LGSN: variants seen among roughly 807,000 people sequenced by gnomAD.
LGSN encodes the protein lengsin, lens protein with glutamine synthetase domain.
LGSN carries 21 observed loss-of-function variants against 19.5 expected under a neutral mutation model. That is an observed-to-expected ratio of 1.07 (90% confidence interval 0.76 to 1.55). The LOEUF (loss-of-function observed/expected upper bound fraction) is 1.55, where lower values mean the gene tolerates loss of function less well. Among genes scored for constraint, LGSN ranks in the 40% most tolerant of loss-of-function variants. The pLI is 0.00. For synonymous variants in LGSN, 257 were observed against 215.6 expected (o/e 1.19, Z -1.68); for missense variants, 673 against 608.5 (o/e 1.11, Z -1.12).
In LGSN at chr6:63,280,806, G is replaced by A. The variant is rs867230083; in HGVS notation, c.745C>T (p.His249Tyr). The change falls in exon 4 of 4, where the codon CAC becomes TAC. Residue 249 changes from histidine (H) to tyrosine (Y), a missense_variant. Coordinates refer to ENST00000370657, the MANE Select transcript of LGSN (RefSeq NM_016571.3). The part of the protein sequence containing the change: ...FMQELVDGLY[H>Y]TGANVESFSS... ...AAACTCTCGACATTGGCTCCAGTGT[G>A]ATACAAGCCATCAACAAGTTCCTGC... 2.5e-6 allele frequency: 4 copies of A among 1,613,842 alleles called. No individual in the cohort carries two copies. The highest frequency in any genetic ancestry group is 2.7e-5 in the African/African-American group (2 of 74,912).
intron 1 of LGSN, among the ~76,000 whole-genome samples, chr6:63,317,663 G>A (rs1768914187): frequency 1.3e-5 from 2 of 152,114 alleles, no homozygotes; most frequent in African/African-American, 2.4e-5. Context: ...CATAAAGCAG[G>A]GAAAGCTGGG....
chr6:63,557,508 G>A, the LGSN span, among the ~76,000 whole-genome samples: 1 of 152,154 alleles, frequency 6.6e-6, no homozygotes, highest in African/African-American at 2.4e-5. Context: ...GGAGGTTGCA[G>A]TGAGTCGAGA....
At chr6:63,344,284 G>T in the LGSN span, among the ~76,000 whole-genome samples, 5 of 152,310 alleles carry the variant, frequency 3.3e-5, no homozygotes, top group East Asian at 9.6e-4. Context: ...CGAAGCTGTA[G>T]TTTAGAAGAA....
chr6:63,525,404 C>T, the LGSN span, among the ~76,000 whole-genome samples: 1 of 152,166 alleles, frequency 6.6e-6, no homozygotes, highest in Non-Finnish European at 1.5e-5. Flanking sequence ...GGAACACACT[C>T]CTTCCCGTTT....
At chr6:63,527,467 T>C in the LGSN span, among the ~76,000 whole-genome samples, 180 of 152,230 alleles carry the variant, frequency 1.2e-3, 2 homozygotes, top group Non-Finnish European at 1.9e-3. Flanking sequence ...TCTTATGTTG[T>C]AGATATCTCA....
At chr6:63,454,216 C>G in the LGSN span, among the ~76,000 whole-genome samples, 1 of 150,482 alleles carries the variant, frequency 6.6e-6, no homozygotes, top group Non-Finnish European at 1.5e-5. Context: ...TTCCTGTCAC[C>G]GTTATGGGAC....
the LGSN span, among the ~76,000 whole-genome samples, chr6:63,328,059 A>G: frequency 2.6e-5 from 4 of 152,216 alleles, no homozygotes; most frequent in Non-Finnish European, 2.9e-5. Flanking sequence ...CTATCTGTAT[A>G]CACATTTATT....
At chr6:63,506,447 C>T in the LGSN span, among the ~76,000 whole-genome samples, 4 of 151,988 alleles carry the variant, frequency 2.6e-5, no homozygotes, top group African/African-American at 9.7e-5. Context: ...GTGTTTTTAG[C>T]AGAGACGAGG....
At chr6:63,515,776 C>A in the LGSN span, among the ~76,000 whole-genome samples, 1 of 151,572 alleles carries the variant, frequency 6.6e-6, no homozygotes, top group Admixed American at 6.6e-5. Context: ...AGGAAAAGAA[C>A]AACAAATTAG....
At chr6:63,541,823 A>G in the LGSN span, among the ~76,000 whole-genome samples, 1 of 152,016 alleles carries the variant, frequency 6.6e-6, no homozygotes, top group Non-Finnish European at 1.5e-5. Context: ...TACACCCTTA[A>G]TGGCTTCACC....
chr6:63,477,676 C>CTTTTTTTTTTTTTTTTTTTTT, the LGSN span, among the ~76,000 whole-genome samples: 1 of 58,436 alleles, frequency 1.7e-5, no homozygotes, highest in South Asian at 5.7e-4. Flanking sequence ...TCTTCTTCTT[C>CTTTTTTTTTTTTTTTTTTTTT]TTCTTTTTTT....
the LGSN span, among the ~76,000 whole-genome samples, chr6:63,412,474 GAAGAA>G: frequency 1.0e-5 from 1 of 96,730 alleles, no homozygotes; most frequent in Non-Finnish European, 2.0e-5. Context: ...AAAAGAGAGA[GAAGAA>G]AGAGAAGAAA....
chr6:63,459,031 G>A, the LGSN span, among the ~76,000 whole-genome samples: 4 of 152,194 alleles, frequency 2.6e-5, no homozygotes, highest in Non-Finnish European at 4.4e-5. Flanking sequence ...CTCAGACTAA[G>A]ATGCTTATGA....
At chr6:63,375,512 T>C in the LGSN span, among the ~76,000 whole-genome samples, 1 of 152,068 alleles carries the variant, frequency 6.6e-6, no homozygotes, top group Non-Finnish European at 1.5e-5. Flanking sequence ...CATTTTTTAT[T>C]CAGATTCCCT....
chr6:63,289,389 C>CA (rs1386926047), intron 2 of LGSN, among the ~76,000 whole-genome samples: 1 of 152,080 alleles, frequency 6.6e-6, no homozygotes, highest in East Asian at 1.9e-4. Flanking sequence ...TTATTTTCTT[C>CA]AATAAATCAT....
At chr6:63,323,559 TACACACACACACACAC>T (rs58400159), upstream of LGSN, among the ~76,000 whole-genome samples, 116 of 132,814 alleles carry the variant, frequency 8.7e-4, no homozygotes, top group African/African-American at 2.1e-3. Flanking sequence ...AAACCTCATA[TACACACACACACACAC>T]ACACACACAC....
chr6:63,429,617 T>C, the LGSN span, among the ~76,000 whole-genome samples: 1 of 151,926 alleles, frequency 6.6e-6, no homozygotes. Flanking sequence ...GCGCCTGTAA[T>C]TCCAGCTACT....
At chr6:63,517,956 G>A in the LGSN span, among the ~76,000 whole-genome samples, 4 of 151,914 alleles carry the variant, frequency 2.6e-5, no homozygotes, top group African/African-American at 7.3e-5. Flanking sequence ...AGTTCAAGAC[G>A]AGCCTGGCCA....
the LGSN span, among the ~76,000 whole-genome samples, chr6:63,445,932 G>A: frequency 3.7e-3 from 568 of 152,084 alleles, 2 homozygotes; most frequent in African/African-American, 0.013. Context: ...CCAAGTAAAA[G>A]CATCTTGACA....
Sources: gnomAD v4.1 joint callset for allele counts (sites outside exome capture counted in the v4.1 genomes callset) on GRCh38, gnomAD v4.1.1 for gene constraint, MANE v1.5 for transcripts, NCBI Gene and HGNC (gene_info 2026-07-23, HGNC 2026-07-21) for gene names.